The following NRDE2 variants were observed in gnomAD, a reference collection of about 807,000 sequenced individuals.
The protein encoded by NRDE2 is NRDE-2, necessary for RNA interference, domain containing, also known as nuclear exosome regulator NRDE2.
A neutral mutation model predicts 124.2 loss-of-function variants in NRDE2; 76 were observed. The ratio of observed to expected loss-of-function variants is 0.61; its 90% CI spans 0.51 to 0.74. The LOEUF (loss-of-function observed/expected upper bound fraction) is 0.74. Ranked by LOEUF, NRDE2 falls within the 30% of genes least tolerant of loss-of-function variation. The probability of loss-of-function intolerance (pLI) is 0.00; values close to 1 mark genes in which losing one functional copy is unlikely to be tolerated. For missense variants in NRDE2, 1,314 were observed against 1,417.3 expected (o/e 0.93, Z 1.17); for synonymous variants, 489 against 528.1 (o/e 0.93, Z 1.01).
At position 90,268,139 on chromosome 14, in the gene NRDE2, A is replaced by G. The variant is rs1472567298; in HGVS notation, c.*10197T>C. 2.1e-5 allele frequency: 25 copies of G among 1,179,734 alleles called. No individual in the cohort carries two copies. Among genetic ancestry groups the G allele is most frequent in the Admixed American group, 2.9e-5 (1 of 34,920 alleles). The allele number at this position is 1,179,734 out of a possible 1,614,324, so 73.1% of individuals were successfully genotyped here. On this transcript the variant is annotated 3_prime_UTR_variant, in exon 14 of 14. Transcript: ENST00000354366. The stretch of plus-strand genomic sequence containing the variant: ...GAGGGCCCGCCTGTTTTTGGTGTCC[A>G]TTTAAGGTGGTAATGATACGAGTTT...
Position 90,288,803 on chromosome 14 carries a change from G to C in NRDE2, c.2572C>G (p.Pro858Ala), listed in dbSNP as rs745848812. The change falls in exon 11 of 14, where the codon CCC (proline) becomes GCC (alanine). Residue 858 changes from proline to alanine, a missense_variant. By Grantham distance (27) the Pro-to-Ala change is conservative. Transcript: ENST00000354366. Reference sequence around the variant, plus strand: ...ACCTGTCCAGTGTAGGGCCCATAGGGGCTGCTCTCAGTCAGCTTGGTTAAT... The same window carrying C: ...ACCTGTCCAGTGTAGGGCCCATAGGCGCTGCTCTCAGTCAGCTTGGTTAAT... ...HILTKLTESS[P>A]YGPYTGQVLA... 86 of 1,613,968 alleles carry C rather than the reference G, an allele frequency of 5.3e-5. No individual in the cohort carries two copies. The highest frequency in any genetic ancestry group is 3.3e-5 in the Admixed American group (2 of 60,002).
intron 1 of NRDE2, among the ~76,000 whole-genome samples, chr14:90,321,566 AAAG>A (rs1486233716): frequency 1.3e-5 from 2 of 151,454 alleles, no homozygotes; most frequent in African/African-American, 4.8e-5. Flanking sequence ...AAAAAAAAAA[AAAG>A]AAAAGAAAAA....
chr14:90,324,807 C>T (rs2139716050), intron 1 of NRDE2, among the ~76,000 whole-genome samples: 1 of 152,162 alleles, frequency 6.6e-6, no homozygotes, highest in East Asian at 1.9e-4. Flanking sequence ...ATTTGAACAG[C>T]ACTAACTTCA....
At chr14:90,290,027 C>T (rs1034830473) in intron 10 of NRDE2, among the ~76,000 whole-genome samples, 194 bp downstream of exon 10, 1 of 152,222 alleles carries the variant, frequency 6.6e-6, no homozygotes, top group Non-Finnish European at 1.5e-5. Context: ...GGTAGCCTGA[C>T]TCGTTCCTGC....
chr14:90,329,425 C>A (rs1213505176), intron 1 of NRDE2, among the ~76,000 whole-genome samples: 1 of 152,194 alleles, frequency 6.6e-6, no homozygotes, highest in African/African-American at 2.4e-5. Flanking sequence ...CCTGGCTAGG[C>A]ACAGTGGCTC....
chr14:90,269,892 T>G lies in NRDE2; in HGVS notation c.*8444A>C. On this transcript the variant is annotated 3_prime_UTR_variant, in exon 14 of 14. Transcript: ENST00000354366. ...CAGGTAGCATCAGAAGAAACAGTGA[T>G]TTGTTTGCTGTCTTTTGTAATGTTT... 2.7e-6 allele frequency: 1 copy of G among 374,170 alleles called. No homozygotes were observed. Among genetic ancestry groups the G allele is most frequent in the Non-Finnish European group, 4.8e-6 (1 of 210,078 alleles). The allele number at this position is 374,170 out of a possible 1,614,324, so 23.2% of individuals were successfully genotyped here.
chr14:90,282,881 G>C (rs538165551), intron 12 of NRDE2, among the ~76,000 whole-genome samples: 1 of 152,102 alleles, frequency 6.6e-6, no homozygotes. Context: ...TGGCCAGGCC[G>C]GTCTCGAACT....
At position 90,303,920 on chromosome 14, in the gene NRDE2, G is replaced by C; in HGVS notation, c.1005+15C>G. The C allele has an allele frequency of 6.3e-7, 1 of 1,579,604 alleles. No homozygotes were observed. The highest frequency in any genetic ancestry group is 1.2e-5 in the South Asian group (1 of 86,240). ...TGTCCTTCTAAGGTAAGAGAATTGG[G>C]ATGGCAACACATACCTGAAAAGCAA... On this transcript the variant is annotated intron_variant, in intron 5 of 13. Transcript: ENST00000354366.
rs1891706378 is a variant in NRDE2, at chr14:90,272,898, C to G, written c.*5438G>C. ...TGCTTCCAAAGGAAGTACAGCTTTC[C>G]TTTTTGGAAGTTTTGTGGACCATGC... On this transcript the variant is annotated 3_prime_UTR_variant, in exon 14 of 14. Coordinates refer to ENST00000354366, the MANE Select transcript of NRDE2 (RefSeq NM_017970.4). This position sits in a 1 kb window ranked among gnomAD's most constrained non-coding sequence, Gnocchi z 4.5. 1 of 152,746 alleles carries G rather than the reference C, an allele frequency of 6.5e-6. No homozygotes were observed. The highest frequency in any genetic ancestry group is 2.4e-5 in the African/African-American group (1 of 41,454). 9.5% of individuals were successfully genotyped at this position (152,746 alleles called of 1,614,324 possible).
intron 12 of NRDE2, among the ~76,000 whole-genome samples, chr14:90,283,137 C>A (rs1371058601): frequency 6.6e-6 from 1 of 152,194 alleles, no homozygotes; most frequent in African/African-American, 2.4e-5. Context: ...ACCTTGCATG[C>A]TGGCCCTAAT....
intron 5 of NRDE2, 82 bp from the exon 6 acceptor site, chr14:90,303,207 C>A: frequency 7.5e-7 from 1 of 1,326,928 alleles, no homozygotes; most frequent in Non-Finnish European, 1.0e-6. Context: ...GATTTTCTTA[C>A]CACCCCCTAG....
At chr14:90,293,678 G>A (rs1177359847) in intron 8 of NRDE2, among the ~76,000 whole-genome samples, 2 of 152,152 alleles carry the variant, frequency 1.3e-5, no homozygotes, top group Non-Finnish European at 2.9e-5. Context: ...TAAGTCATCC[G>A]AATTTTTAGC....
At chr14:90,318,242 G>A in intron 1 of NRDE2, 129 bp from the exon 2 acceptor site, 2 of 652,968 alleles carry the variant, frequency 3.1e-6, no homozygotes, top group South Asian at 4.1e-5. Flanking sequence ...TGAACAGTCA[G>A]TCCAAAGTCC....
At position 90,267,924 on chromosome 14, in the gene NRDE2, G is replaced by A. The variant is rs993186041; in HGVS notation, c.*10412C>T. 7 of 279,070 alleles carry A rather than the reference G, an allele frequency of 2.5e-5. No homozygotes were observed. Among genetic ancestry groups the A allele is most frequent in the South Asian group, 6.9e-5 (1 of 14,560 alleles). 17.3% of individuals were successfully genotyped at this position (279,070 alleles called of 1,614,324 possible). ...TTCTTCGTACAGGTAATTATAGTTC[G>A]CAGCTTTTCAGGGGAAACTGGGTCA... On this transcript the variant is annotated 3_prime_UTR_variant, in exon 14 of 14. Transcript: ENST00000354366.
intron 8 of NRDE2, among the ~76,000 whole-genome samples, chr14:90,297,684 A>T (rs1884225532): frequency 6.6e-6 from 1 of 152,224 alleles, no homozygotes; most frequent in South Asian, 2.1e-4. Context: ...CTGTAATCCC[A>T]GCACTTTGGG....
At chr14:90,287,065 A>G (rs1442737129) in intron 11 of NRDE2, among the ~76,000 whole-genome samples, 2 of 143,484 alleles carry the variant, frequency 1.4e-5, no homozygotes, top group East Asian at 4.1e-4. Flanking sequence ...AAAAAAAAAG[A>G]GAAAGAAAGC....
chr14:90,312,373 G>A, intron 4 of NRDE2, 21 bp downstream of exon 4: 2 of 1,611,750 alleles, frequency 1.2e-6, no homozygotes, highest in Non-Finnish European at 1.7e-6. Flanking sequence ...AGTGAAAACT[G>A]GGGGAAAACA....
intron 9 of NRDE2, among the ~76,000 whole-genome samples, chr14:90,290,872 C>T (rs977014795): frequency 2.6e-5 from 4 of 152,132 alleles, no homozygotes; most frequent in African/African-American, 7.2e-5. Flanking sequence ...AAGCCATGAA[C>T]GGGTTTAAGC....
chr14:90,285,303 T>A (rs1243061536), intron 12 of NRDE2, among the ~76,000 whole-genome samples: 1 of 116,854 alleles, frequency 8.6e-6, no homozygotes, highest in Non-Finnish European at 2.0e-5. Context: ...AATGTTGATT[T>A]TTTTTTTCTT....
Sources: allele counts gnomAD v4.1 joint callset (sites outside exome capture counted in the v4.1 genomes callset), GRCh38; gene constraint gnomAD v4.1.1; non-coding constraint Gnocchi (gnomAD v3.1); transcripts MANE v1.5; gene names NCBI Gene and HGNC (gene_info 2026-07-23, HGNC 2026-07-21).